The following PTPRA variants were observed in gnomAD, a reference collection of about 807,000 sequenced individuals.
The protein encoded by PTPRA is receptor-type tyrosine-protein phosphatase alpha.
PTPRA carries 25 observed loss-of-function variants against 104.8 expected under a neutral mutation model. The observed-to-expected ratio is 0.24, with a 90% confidence interval of 0.17 to 0.33. The LOEUF (loss-of-function observed/expected upper bound fraction) is 0.33, where lower values mean the gene tolerates loss of function less well. Among genes scored for constraint, PTPRA ranks in the 10% least tolerant of loss-of-function variants. PTPRA has a pLI of 1.00. For missense variants in PTPRA, 765 were observed against 1,015.3 expected, an observed-to-expected ratio of 0.75 and a Z score of 3.35; for synonymous variants, 323 against 368.9, an observed-to-expected ratio of 0.88 and a Z score of 1.43.
chr20:2,973,667 G>A (rs1353197905), intron 5 of PTPRA, among the ~76,000 whole-genome samples: 1 of 152,136 alleles, frequency 6.6e-6, no homozygotes, highest in Non-Finnish European at 1.5e-5. Context: ...AAAGGGAATA[G>A]GGGCCATTTC....
At chr20:2,957,335 A>G (rs2061573943) in intron 3 of PTPRA, among the ~76,000 whole-genome samples, 2 of 152,210 alleles carry the variant, frequency 1.3e-5, no homozygotes, top group Admixed American at 1.3e-4. Flanking sequence ...TTTGATCATC[A>G]GTGAGGTTGA....
chr20:2,964,166 GCA>G, intron 3 of PTPRA, 104 bp from the exon 4 acceptor site: 1 of 889,880 alleles, frequency 1.1e-6, no homozygotes, highest in South Asian at 1.5e-5. Context: ...ATTGGTTTAG[GCA>G]CACATTTTAA....
At chr20:2,997,232 A>G (rs943217418) in intron 9 of PTPRA, among the ~76,000 whole-genome samples, 3 of 152,134 alleles carry the variant, frequency 2.0e-5, no homozygotes, top group African/African-American at 7.2e-5. Flanking sequence ...AAAGACTACA[A>G]ATTGTCAACA....
Position 2,909,970 on chromosome 20 carries a change from ATATAATC to A in PTPRA, c.-128-13233_-128-13227del, listed in dbSNP as rs1342004542. ...TTATATATTATAATATATGATATATATATAATCTATCATATATCATATATATAATCTA... is the reference window on the plus strand; with the variant it reads ...TTATATATTATAATATATGATATATATATCATATATCATATATATAATCTA... On this transcript the variant is annotated intron_variant, in intron 1 of 23. Coordinates refer to ENST00000399903, the MANE Select transcript of PTPRA (RefSeq NM_001385305.1). Among the ~76,000 whole-genome samples, 375 of 119,194 alleles carry A rather than the reference ATATAATC, an allele frequency of 3.1e-3. 1 individual carries two copies. Among genetic ancestry groups the A allele is most frequent in the South Asian group, 0.025 (109 of 4,326 alleles). The allele number at this position is 119,194 out of a possible 152,430, so 78.2% of individuals were successfully genotyped here. A position where few individuals can be genotyped will look rare whatever the true frequency, so the allele number is the denominator to read the frequency against.
chr20:2,945,700 A>G (rs950103848), intron 2 of PTPRA, among the ~76,000 whole-genome samples: 7 of 151,940 alleles, frequency 4.6e-5, no homozygotes, highest in South Asian at 2.1e-4. Context: ...AAGTCAAGGC[A>G]GGTGGATCAC....
rs372231089 is a variant in PTPRA at position 2,908,115 on chromosome 20, C to G, written c.-128-15092C>G. The stretch of plus-strand genomic sequence containing the variant: ...GCTACTTAGAAACTTCCCTCCTTTA[C>G]AAACTTTCTATTCCTTACCTTCCCT... On this transcript the variant is annotated intron_variant, in intron 1 of 23. Transcript: ENST00000399903. Among the ~76,000 whole-genome samples, 5 of 152,266 alleles carry G rather than the reference C, an allele frequency of 3.3e-5. No homozygotes were observed. The South Asian group carries it at 1.0e-3, about 32-fold the overall frequency.
chr20:2,924,720 C>T (rs2060230163), intron 2 of PTPRA, among the ~76,000 whole-genome samples: 1 of 152,076 alleles, frequency 6.6e-6, no homozygotes, highest in Non-Finnish European at 1.5e-5. Context: ...CTTGCTATGT[C>T]ACCAGGCTGG....
rs1322591938 is a variant in PTPRA, at chr20:2,909,988, C to T, written c.-128-13219C>T. Among the ~76,000 whole-genome samples the T allele has an allele frequency of 1.8e-4, 17 of 96,446 alleles. 1 individual carries two copies. Among genetic ancestry groups the T allele is most frequent in the Admixed American group, 1.6e-3 (11 of 6,822 alleles). 63.3% of individuals were successfully genotyped at this position (96,446 alleles called of 152,430 possible). A position where few individuals can be genotyped will look rare whatever the true frequency, so the allele number is the denominator to read the frequency against. On this transcript the variant is annotated intron_variant, in intron 1 of 23. Coordinates refer to ENST00000399903, the MANE Select transcript of PTPRA (RefSeq NM_001385305.1). ...GATATATATATAATCTATCATATAT[C>T]ATATATATAATCTATCATATATCAT...
chr20:3,004,380 AAC>A (rs2063767159), intron 9 of PTPRA, among the ~76,000 whole-genome samples: 1 of 152,220 alleles, frequency 6.6e-6, no homozygotes, highest in Non-Finnish European at 1.5e-5. Context: ...AGTTCATACA[AAC>A]ACAGACTATC....
At chr20:2,868,313 T>TC in the PTPRA span, among the ~76,000 whole-genome samples, 1 of 144,992 alleles carries the variant, frequency 6.9e-6, no homozygotes, top group African/African-American at 2.6e-5. Context: ...TCCACCTCTT[T>TC]TTTTTTTTTT....
In PTPRA at chr20:2,970,780, A is replaced by G. The variant is rs190269779; in HGVS notation, c.416-4435A>G. Among the ~76,000 whole-genome samples, 10 of 151,842 alleles carry G rather than the reference A, an allele frequency of 6.6e-5. No individual in the cohort carries two copies. In the East Asian group the frequency reaches 1.9e-3, roughly 29 times the overall value. ...TCCTTACTCCAAGATTATAAAAATA[A>G]TTTTCTTCTGGACTTCTATGGTTTC... On this transcript the variant is annotated intron_variant, in intron 5 of 23. Transcript: ENST00000399903.
chr20:3,018,782 C>T (rs2064620015), intron 13 of PTPRA, among the ~76,000 whole-genome samples: 2 of 143,654 alleles, frequency 1.4e-5, no homozygotes, highest in Non-Finnish European at 3.0e-5. Context: ...AGGGGCTCCT[C>T]ACTTCCCAGT....
chr20:2,866,032 G>T, the PTPRA span: 2 of 623,840 alleles, frequency 3.2e-6, no homozygotes, highest in Non-Finnish European at 2.8e-6. Flanking sequence ...GGTGATTTCT[G>T]CCCTAAGAAT....
At chr20:2,868,310 C>CTTTTT in the PTPRA span, among the ~76,000 whole-genome samples, 10 of 104,154 alleles carry the variant, frequency 9.6e-5, no homozygotes, top group Non-Finnish European at 1.3e-4. Flanking sequence ...GACTCCACCT[C>CTTTTT]TTTTTTTTTT....
chr20:2,964,701 C>T (rs2061881603), intron 4 of PTPRA, among the ~76,000 whole-genome samples, 160 bp from the exon 5 acceptor site: 2 of 151,922 alleles, frequency 1.3e-5, no homozygotes, highest in South Asian at 4.2e-4. Context: ...AAAGGTCCAG[C>T]ATGAGATAAA....
At chr20:2,984,383 C>T (rs2062814920) in intron 6 of PTPRA, among the ~76,000 whole-genome samples, 2 of 152,246 alleles carry the variant, frequency 1.3e-5, no homozygotes, top group African/African-American at 4.8e-5. Context: ...TGAAAATACT[C>T]TTGGAAAGGT....
At chr20:2,960,193 G>A (rs1306146779) in intron 3 of PTPRA, among the ~76,000 whole-genome samples, 1 of 151,588 alleles carries the variant, frequency 6.6e-6, no homozygotes, top group Non-Finnish European at 1.5e-5. Flanking sequence ...TGCCCTGACA[G>A]TCCTCTGCTC....
rs1342057581 is a variant in PTPRA, at chr20:3,019,716, A to G, written c.1042-1593A>G. On this transcript the variant is annotated intron_variant, in intron 13 of 23. Transcript: ENST00000399903. Reference sequence around the variant, plus strand: ...CAATCTCGGCGCTTTGGGAGGCCAAAGCAGGCTGCTGGGAGGTGGAGGTTG... The same window carrying G: ...CAATCTCGGCGCTTTGGGAGGCCAAGGCAGGCTGCTGGGAGGTGGAGGTTG... Among the ~76,000 whole-genome samples the G allele has an allele frequency of 7.0e-3, 1,072 of 152,226 alleles. 4 individuals are homozygous for G. Among genetic ancestry groups the G allele is most frequent in the Middle Eastern group, 0.027 (8 of 294 alleles).
intron 2 of PTPRA, 133 bp downstream of exon 2, chr20:2,923,418 T>G (rs900118776): frequency 1.0e-5 from 5 of 484,826 alleles, no homozygotes; most frequent in Non-Finnish European, 1.6e-5. Context: ...TTTTTATTAT[T>G]ATAAACATTG....
Sources: gnomAD v4.1 joint callset for allele counts (sites outside exome capture counted in the v4.1 genomes callset) on GRCh38, gnomAD v4.1.1 for gene constraint, MANE v1.5 for transcripts, NCBI Gene and HGNC (gene_info 2026-07-23, HGNC 2026-07-21) for gene names.